Variants in NPEPL1 observed in about 807,000 individuals in gnomAD.
NPEPL1 encodes aminopeptidase like 1, also known as probable aminopeptidase NPEPL1.
Under a neutral mutation model 52.4 loss-of-function variants are expected in NPEPL1, and 45 were observed. The ratio of observed to expected loss-of-function variants is 0.86; its 90% CI spans 0.68 to 1.10. NPEPL1 has a LOEUF of 1.10. Among genes scored for constraint, NPEPL1 ranks in the 50% least tolerant of loss-of-function variants. The probability of loss-of-function intolerance (pLI) is 0.00; values close to 1 mark genes in which losing one functional copy is unlikely to be tolerated. For synonymous variants in NPEPL1, 360 were observed against 314.7 expected (o/e 1.14, Z -1.52); for missense variants, 696 against 710.9 (o/e 0.98, Z 0.24).
At chr20:58,699,416 G>C in intron 5 of NPEPL1, 138 bp downstream of exon 5, 1 of 696,900 alleles carries the variant, frequency 1.4e-6, no homozygotes. Context: ...ATCAGCCTGT[G>C]TCCAAGCCCA....
upstream of NPEPL1, chr20:58,691,757 A>T (rs1242007232): frequency 4.2e-6 from 6 of 1,418,126 alleles, no homozygotes; most frequent in Admixed American, 6.3e-5. Flanking sequence ...AAATAACAGG[A>T]GTGGCTTATG....
rs2084660037 is a variant in NPEPL1 at position 58,702,766 on chromosome 20, A to G, written c.822+1608A>G. On this transcript the variant is annotated intron_variant, in intron 6 of 11. Transcript: ENST00000356091. ...TTAACTTTGATTTTGAAGAGCTCCA[A>G]TCTCGTGAGGCAACAGATACACAGA... Among the ~76,000 whole-genome samples, 6 of 152,324 alleles carry G rather than the reference A, an allele frequency of 3.9e-5. No homozygotes were observed. In the South Asian group the frequency reaches 1.0e-3, roughly 26 times the overall value.
At chr20:58,710,390 G>A (rs1276537360) in intron 7 of NPEPL1, among the ~76,000 whole-genome samples, 1 of 152,038 alleles carries the variant, frequency 6.6e-6, no homozygotes, top group African/African-American at 2.4e-5. Flanking sequence ...ACAGTGAAAT[G>A]TTTTGAACTT....
At chr20:58,695,729 C>G (rs2084474643) in intron 3 of NPEPL1, among the ~76,000 whole-genome samples, 1 of 152,248 alleles carries the variant, frequency 6.6e-6, no homozygotes, top group Admixed American at 6.5e-5. Context: ...TCTTCACCAG[C>G]ATGAGATAGC....
chr20:58,700,160 G>A (rs540021919), intron 5 of NPEPL1, among the ~76,000 whole-genome samples: 3 of 152,344 alleles, frequency 2.0e-5, no homozygotes, highest in East Asian at 1.9e-4. Context: ...GATAAAGAGC[G>A]AGCAAACAAG....
At chr20:58,711,857 G>C (rs578078063) in intron 7 of NPEPL1, among the ~76,000 whole-genome samples, 1 of 152,256 alleles carries the variant, frequency 6.6e-6, no homozygotes, top group Non-Finnish European at 1.5e-5. Flanking sequence ...ATGTATTCTG[G>C]TTAAAGATTC....
intron 6 of NPEPL1, among the ~76,000 whole-genome samples, chr20:58,702,395 G>A (rs761990931): frequency 3.0e-4 from 46 of 152,320 alleles, no homozygotes; most frequent in Middle Eastern, 3.4e-3. Context: ...TCAGGGTGGC[G>A]CTGGTGCAGC....
Position 58,693,246 on chromosome 20 carries a change from G to T in NPEPL1, c.150+196G>T, listed in dbSNP as rs570931040. ...GGCCCAGCCCCAGGCCCCGTCGCCGGTGCGGCGCGGTGGTCCTCCTGTCAG... is the reference window on the plus strand; with the variant it reads ...GGCCCAGCCCCAGGCCCCGTCGCCGTTGCGGCGCGGTGGTCCTCCTGTCAG... On this transcript the variant is annotated intron_variant, in intron 1 of 11. Coordinates refer to ENST00000356091, the MANE Select transcript of NPEPL1 (RefSeq NM_024663.4). 2.1e-5 allele frequency: 5 copies of T among 234,986 alleles called. No homozygotes were observed. The South Asian group carries it at 6.1e-4, about 29-fold the overall frequency. 14.6% of individuals were successfully genotyped at this position (234,986 alleles called of 1,614,324 possible). A position where few individuals can be genotyped will look rare whatever the true frequency, so the allele number is the denominator to read the frequency against.
chr20:58,691,743 C>T (rs1301285535), upstream of NPEPL1: 1 of 835,670 alleles, frequency 1.2e-6, no homozygotes, highest in Non-Finnish European at 1.8e-6. Context: ...GAAGAAGAAA[C>T]TCAAAATAAC....
rs1383445087 is a variant in NPEPL1, at chr20:58,712,330, G to T, written c.901-149G>T. The T allele has an allele frequency of 4.9e-6, 3 of 617,172 alleles. No individual in the cohort carries two copies. In the African/African-American group the frequency reaches 5.5e-5, roughly 11 times the overall value. The allele number at this position is 617,172 out of a possible 1,614,324, so 38.2% of individuals were successfully genotyped here. A position where few individuals can be genotyped will look rare whatever the true frequency, so the allele number is the denominator to read the frequency against. On this transcript the variant is annotated intron_variant, in intron 7 of 11. Transcript: ENST00000356091. The stretch of plus-strand genomic sequence containing the variant: ...TGGGATCTGCCAGGACTGTACCCGG[G>T]ATGGCAGGGAGGGCGAGCTTTGGTC...
chr20:58,689,866 C>T (rs1333468412), upstream of NPEPL1, among the ~76,000 whole-genome samples: 1 of 152,130 alleles, frequency 6.6e-6, no homozygotes, highest in African/African-American at 2.4e-5. Flanking sequence ...CAAAGCCTCA[C>T]GGGTCCTGTA....
chr20:58,693,136 AC>A, intron 1 of NPEPL1, 86 bp downstream of exon 1: 1 of 888,764 alleles, frequency 1.1e-6, no homozygotes, highest in Non-Finnish European at 1.3e-6. Context: ...CGCCCGCCGC[AC>A]CCCCGCCGCC....
intron 8 of NPEPL1, chr20:58,712,838 A>G (rs548863396): frequency 2.8e-5 from 16 of 572,358 alleles, no homozygotes; most frequent in Admixed American, 1.6e-4. Context: ...ACCCTGCATT[A>G]CCAGGACAGG....
At chr20:58,691,349 T>C, upstream of NPEPL1, 2 of 514,730 alleles carry the variant, frequency 3.9e-6, no homozygotes, top group South Asian at 3.7e-5. Flanking sequence ...GGAATGCCTT[T>C]CAGTCATTCA....
rs1344293986 is a variant in NPEPL1 at position 58,692,934 on chromosome 20, G to A, written c.34G>A (p.Ala12Thr). ...ANVGLQFQAS[A>T]GDSDPQSRPL... ...CGTGGGGCTGCAGTTCCAGGCGAGC[G>A]CGGGGGACTCGGACCCACAGAGCCG... Residue 12 changes from alanine (A) to threonine (T), a missense_variant, in exon 1 of 12, where the codon GCG (alanine) becomes ACG (threonine). Physicochemically the swap from Ala to Thr is moderately conservative, Grantham distance 58. Transcript: ENST00000356091. The surrounding 1 kb of genome is among the most constrained non-coding windows in gnomAD (Gnocchi z 5.7). 6 of 1,139,694 alleles carry A rather than the reference G, an allele frequency of 5.3e-6. No individual in the cohort carries two copies. The highest frequency in any genetic ancestry group is 3.1e-4 in the Middle Eastern group (1 of 3,190). 70.6% of individuals were successfully genotyped at this position (1,139,694 alleles called of 1,614,324 possible). A position where few individuals can be genotyped will look rare whatever the true frequency, so the allele number is the denominator to read the frequency against.
At position 58,692,851 on chromosome 20, in the gene NPEPL1, C is replaced by CGGCGG. The variant is rs945421045; in HGVS notation, c.-48_-44dup. On this transcript the variant is annotated 5_prime_UTR_variant, in exon 1 of 12. Transcript: ENST00000356091. The surrounding 1 kb of genome is among the most constrained non-coding windows in gnomAD (Gnocchi z 5.7). Reference sequence around the variant, plus strand: ...CCGGAGCGGGGCGAAGGGGGCCGAGCGGCGGGCCGGGCCGGGCCGGGCAGG... The same window carrying CGGCGG: ...CCGGAGCGGGGCGAAGGGGGCCGAGCGGCGGGGCGGGCCGGGCCGGGCCGGGCAGG... 1.0e-6 allele frequency: 1 copy of CGGCGG among 984,424 alleles called. No homozygotes were observed. Among genetic ancestry groups the CGGCGG allele is most frequent in the African/African-American group, 1.8e-5 (1 of 56,042 alleles). 61.0% of individuals were successfully genotyped at this position (984,424 alleles called of 1,614,324 possible). A position where few individuals can be genotyped will look rare whatever the true frequency, so the allele number is the denominator to read the frequency against.
rs2084753110 is a variant in NPEPL1 at position 58,707,187 on chromosome 20, C to T, written c.887C>T (p.Ala296Val). 2 of 1,551,078 alleles carry T rather than the reference C, an allele frequency of 1.3e-6. No individual in the cohort carries two copies. Among genetic ancestry groups the T allele is most frequent in the African/African-American group, 1.4e-5 (1 of 73,208 alleles). ...GAAAVLGAFR[A>V]AIKQGFKDNL... Reference sequence around the variant, plus strand: ...GCGGCCGTCCTGGGGGCCTTCAGAGCCGCAATCAAGCAGGTGAGTGGGCCC... The same window carrying T: ...GCGGCCGTCCTGGGGGCCTTCAGAGTCGCAATCAAGCAGGTGAGTGGGCCC... The change falls in exon 7 of 12, where the codon GCC (alanine) becomes GTC (valine). Residue 296 changes from alanine to valine, a missense_variant. Ala to Val is a moderately conservative substitution (Grantham distance 64, BLOSUM62 0). Transcript: ENST00000356091.
Position 58,713,969 on chromosome 20 carries a change from G to T in NPEPL1, c.1178G>T (p.Trp393Leu). 1 of 1,522,310 alleles carries T rather than the reference G, an allele frequency of 6.6e-7. No homozygotes were observed. Among genetic ancestry groups the T allele is most frequent in the South Asian group, 1.3e-5 (1 of 79,412 alleles). 94.3% of individuals were successfully genotyped at this position (1,522,310 alleles called of 1,614,324 possible). ...GCGGTGCTCACCAACAGCGCTGAGT[G>T]GGAGGCCGCCTGTGTGAAGGCGGGC... ...HAAVLTNSAE[W>L]EAACVKAGRK... Residue 393 changes from tryptophan to leucine, a missense_variant, in exon 10 of 12, where the codon TGG (tryptophan) becomes TTG (leucine). Physicochemically the swap from Trp to Leu is moderately conservative, Grantham distance 61. Transcript: ENST00000356091. This position sits in a 1 kb window ranked among gnomAD's most constrained non-coding sequence, Gnocchi z 4.6.
At chr20:58,704,173 G>A in intron 6 of NPEPL1, 2 of 985,390 alleles carry the variant, frequency 2.0e-6, no homozygotes, top group Non-Finnish European at 2.4e-6. Flanking sequence ...GTGAAACGCA[G>A]ACGCAACGCA....
Sources: gnomAD v4.1 joint callset for allele counts (sites outside exome capture counted in the v4.1 genomes callset) on GRCh38, gnomAD v4.1.1 for gene constraint, Gnocchi (gnomAD v3.1) non-coding constraint, MANE v1.5 for transcripts, NCBI Gene and HGNC (gene_info 2026-07-23, HGNC 2026-07-21) for gene names.